Variants in NPAT observed in about 807,000 individuals in gnomAD.
NPAT encodes the protein nuclear protein, coactivator of histone transcription.
Under a neutral mutation model 130.7 loss-of-function variants are expected in NPAT, and 52 were observed. The ratio of observed to expected loss-of-function variants is 0.40; its 90% CI spans 0.32 to 0.50. NPAT has a LOEUF of 0.50. Ranked by LOEUF, NPAT falls within the 20% of genes least tolerant of loss-of-function variation. NPAT has a pLI of 0.68. For missense variants in NPAT, 1,687 were observed against 1,662.6 expected (o/e 1.01, Z -0.26); for synonymous variants, 580 against 584.8 (o/e 0.99, Z 0.12).
intron 12 of NPAT, among the ~76,000 whole-genome samples, chr11:108,174,326 T>C (rs556445114): frequency 1.2e-4 from 18 of 152,246 alleles, no homozygotes; most frequent in African/African-American, 2.9e-4. Flanking sequence ...TTTTGCATGA[T>C]TGACACTTGA....
Position 108,173,043 on chromosome 11 carries a change from T to C in NPAT, c.1941A>G (p.Thr647=). 2 of 1,614,094 alleles carry C rather than the reference T, an allele frequency of 1.2e-6. No homozygotes were observed. Among genetic ancestry groups the C allele is most frequent in the Non-Finnish European group, 1.7e-6 (2 of 1,180,006 alleles). Reference sequence around the variant, plus strand: ...ACTTGGATGCCTGAGCTTCATTTTCTGTATGATTTAACTCAACAGATGCTG... The same window carrying C: ...ACTTGGATGCCTGAGCTTCATTTTCCGTATGATTTAACTCAACAGATGCTG... ...NDSASVELNH[T]ENEAQASKSE... Residue 647 remains threonine (T), a synonymous_variant, in exon 13 of 18, where the codon ACA becomes ACG. Transcript: ENST00000278612.
At position 108,161,567 on chromosome 11, in the gene NPAT, G is replaced by A. The variant is rs747907975; in HGVS notation, c.3519C>T (p.Ser1173=). ...ATANKENELC[S]DVERQKNPEN... is the part of the protein sequence containing the mutation. ...CTGGATTTTTCTGTCTTTCTACATCGCTGCATAATTCATTCTCCTTATTAG... is the reference window on the plus strand; with the variant it reads ...CTGGATTTTTCTGTCTTTCTACATCACTGCATAATTCATTCTCCTTATTAG... Residue 1173 remains serine (S), a synonymous_variant, in exon 17 of 18, where the codon AGC becomes AGT. Coordinates refer to ENST00000278612, the MANE Select transcript of NPAT (RefSeq NM_002519.3). The A allele has an allele frequency of 5.5e-5, 89 of 1,613,878 alleles. No individual in the cohort carries two copies. The Middle Eastern group carries it at 6.6e-4, about 12-fold the overall frequency.
chr11:108,169,151 A>T (rs1392606789), intron 15 of NPAT, among the ~76,000 whole-genome samples: 1 of 152,184 alleles, frequency 6.6e-6, no homozygotes, highest in Non-Finnish European at 1.5e-5. Context: ...AGGAGAGGAA[A>T]ATGTGTTTTA....
At chr11:108,217,021 T>A (rs2078441435) in intron 1 of NPAT, among the ~76,000 whole-genome samples, 1 of 152,164 alleles carries the variant, frequency 6.6e-6, no homozygotes, top group East Asian at 1.9e-4. Flanking sequence ...GAGAAAAAAA[T>A]CAATTTCTGG....
rs2077980375 is a variant in NPAT at position 108,173,906 on chromosome 11, T to C, written c.1133-55A>G. Reference sequence around the variant, plus strand: ...TGGTAAATATGTTCAGCTTCTGAGGTAGTCATTTTTGCCATAAAACTTATT... The same window carrying C: ...TGGTAAATATGTTCAGCTTCTGAGGCAGTCATTTTTGCCATAAAACTTATT... On this transcript the variant is annotated intron_variant, in intron 12 of 17. Coordinates refer to ENST00000278612, the MANE Select transcript of NPAT (RefSeq NM_002519.3). 38 of 1,505,148 alleles carry C rather than the reference T, an allele frequency of 2.5e-5. No homozygotes were observed. The Middle Eastern group carries it at 5.1e-4, about 20-fold the overall frequency. The allele number at this position is 1,505,148 out of a possible 1,614,324, so 93.2% of individuals were successfully genotyped here. A position where few individuals can be genotyped will look rare whatever the true frequency, so the allele number is the denominator to read the frequency against.
chr11:108,172,978 T>C lies in NPAT; in HGVS notation c.2006A>G (p.Glu669Gly). Residue 669 changes from glutamate (E) to glycine (G), a missense_variant, in exon 13 of 18, where the codon GAG (glutamate) becomes GGG (glycine). Physicochemically the swap from Glu to Gly is moderately conservative, Grantham distance 98. Coordinates refer to ENST00000278612, the MANE Select transcript of NPAT (RefSeq NM_002519.3). ...ACCTAAAGAGAGAAAAATAGTATTC[T>C]CTTCTTTTACAGAAGATGAAGGCTC... Reference protein sequence around the residue: ...SQEPSSSVKEENTIFLSLGGN... With the variant: ...SQEPSSSVKEGNTIFLSLGGN... 6.2e-7 allele frequency: 1 copy of C among 1,614,112 alleles called. No individual in the cohort carries two copies. The highest frequency in any genetic ancestry group is 1.1e-5 in the South Asian group (1 of 91,084).
chr11:108,160,571 T>A (rs2077837029), intron 17 of NPAT, among the ~76,000 whole-genome samples: 1 of 152,182 alleles, frequency 6.6e-6, no homozygotes, highest in Non-Finnish European at 1.5e-5. Context: ...ACTTTTTCTT[T>A]TCCCCCGGAA....
chr11:108,169,226 C>A (rs1205514562), intron 15 of NPAT, among the ~76,000 whole-genome samples: 1 of 152,176 alleles, frequency 6.6e-6, no homozygotes, highest in Non-Finnish European at 1.5e-5. Flanking sequence ...ACAGGGAACA[C>A]AGGAAGGTAA....
At chr11:108,209,455 G>A (rs768147445) in intron 1 of NPAT, among the ~76,000 whole-genome samples, 3 of 152,072 alleles carry the variant, frequency 2.0e-5, no homozygotes, top group South Asian at 2.1e-4. Flanking sequence ...GTGCTGGCAC[G>A]TGCCTGTAGT....
intron 1 of NPAT, among the ~76,000 whole-genome samples, chr11:108,209,888 C>A (rs1440417097): frequency 1.3e-3 from 89 of 70,792 alleles, no homozygotes; most frequent in African/African-American, 1.4e-3. Flanking sequence ...GACTTCATCT[C>A]AAAAAAAAAA....
intron 4 of NPAT, 131 bp downstream of exon 4, chr11:108,191,987 C>T (rs1450522352): frequency 1.4e-6 from 1 of 736,874 alleles, no homozygotes; most frequent in Admixed American, 1.9e-5. Context: ...CTCCACAGTA[C>T]CAGCAACCTC....
chr11:108,199,258 C>T (rs962948696), intron 1 of NPAT, among the ~76,000 whole-genome samples: 12 of 152,184 alleles, frequency 7.9e-5, no homozygotes, highest in African/African-American at 2.4e-4. Flanking sequence ...CTCACCCAGA[C>T]GCCGGCTCCC....
intron 1 of NPAT, among the ~76,000 whole-genome samples, chr11:108,219,833 A>G (rs1211724825): frequency 1.3e-5 from 2 of 152,254 alleles, no homozygotes; most frequent in Non-Finnish European, 2.9e-5. Flanking sequence ...TTATCAAAAA[A>G]AAGTAAACAC....
In NPAT at chr11:108,173,253, C is replaced by G. The variant is rs1167793049; in HGVS notation, c.1731G>C (p.Lys577Asn). Residue 577 changes from lysine (K) to asparagine (N), a missense_variant, in exon 13 of 18, where the codon AAG (lysine) becomes AAC (asparagine). This residue lies in a region of NPAT where 1,379 missense variants were observed against 1,346.6 expected (regional missense o/e 1.02). Transcript: ENST00000278612. The stretch of plus-strand genomic sequence containing the variant: ...CTAACACATTAATTTCTATTTTACT[C>G]TTGTGAACTTCACTAGAATCTGATG... ...SKSSDSSEVH[K>N]SKIEINVLEP... 10 of 1,612,166 alleles carry G rather than the reference C, an allele frequency of 6.2e-6. No homozygotes were observed. Among genetic ancestry groups the G allele is most frequent in the Non-Finnish European group, 8.5e-6 (10 of 1,178,680 alleles).
chr11:108,184,045 C>T (rs2078081508), intron 10 of NPAT, among the ~76,000 whole-genome samples: 1 of 152,106 alleles, frequency 6.6e-6, no homozygotes, highest in Admixed American at 6.6e-5. Context: ...ATATTCCTCC[C>T]TTACTAGCTC....
chr11:108,166,399 A>T (rs1221559552), intron 15 of NPAT, among the ~76,000 whole-genome samples: 1 of 152,152 alleles, frequency 6.6e-6, no homozygotes, highest in African/African-American at 2.4e-5. Flanking sequence ...TCTAAAAAAA[A>T]ATAAAAAAAT....
Position 108,185,328 on chromosome 11 carries a change from AAAG to A in NPAT, c.819-12_819-10del. On this transcript the variant is annotated splice_polypyrimidine_tract_variant and intron_variant, in intron 9 of 17. Transcript: ENST00000278612. ...GGGCAATATTGTTATCACTGTTAAT[AAAG>A]AAAGAAAAATCTTTATTATAGTTAT... 1 of 1,598,558 alleles carries A rather than the reference AAAG, an allele frequency of 6.3e-7. No individual in the cohort carries two copies. Among genetic ancestry groups the A allele is most frequent in the South Asian group, 1.1e-5 (1 of 89,938 alleles).
Position 108,173,167 on chromosome 11 carries a change from A to G in NPAT, c.1817T>C (p.Leu606Pro), listed in dbSNP as rs746091147. ...QDNSCLQSEI[L>P]PVSVESSHLN... is the part of the protein sequence containing the mutation. ...ATGTGAACTTTCAACAGACACAGGTAGTATTTCACTTTGAAGACAAGAATT... is the reference window on the plus strand; with the variant it reads ...ATGTGAACTTTCAACAGACACAGGTGGTATTTCACTTTGAAGACAAGAATT... Residue 606 changes from leucine (L) to proline (P), a missense_variant, in exon 13 of 18, where the codon CTA becomes CCA. Leu to Pro is a moderately conservative substitution (Grantham distance 98). Coordinates refer to ENST00000278612, the MANE Select transcript of NPAT (RefSeq NM_002519.3). 6.2e-7 allele frequency: 1 copy of G among 1,613,658 alleles called. No individual in the cohort carries two copies.
intron 13 of NPAT, 152 bp downstream of exon 13, chr11:108,172,047 C>G: frequency 1.5e-6 from 1 of 683,212 alleles, no homozygotes; most frequent in Non-Finnish European, 2.6e-6. Context: ...TTTGAATTAG[C>G]TAGCATAAAG....
Sources: gnomAD v4.1 joint callset for allele counts (sites outside exome capture counted in the v4.1 genomes callset) on GRCh38, gnomAD v4.1.1 for gene constraint, gnomAD v4.1.1 regional missense constraint, MANE v1.5 for transcripts, NCBI Gene and HGNC (gene_info 2026-07-23, HGNC 2026-07-21) for gene names.